Variants in MTARC2 observed in about 807,000 individuals in gnomAD.
MTARC2 encodes mitochondrial amidoxime reducing component 2.
MTARC2 carries 27 observed loss-of-function variants against 35.6 expected under a neutral mutation model. The ratio of observed to expected loss-of-function variants is 0.76; its 90% CI spans 0.56 to 1.04. The LOEUF (loss-of-function observed/expected upper bound fraction) is 1.04, where lower values mean the gene tolerates loss of function less well. MTARC2 is among the 50% of genes least tolerant of loss of function. The pLI is 0.00. For missense variants in MTARC2, 412 were observed against 432.5 expected (o/e 0.95, Z 0.42); for synonymous variants, 158 against 167.1 (o/e 0.95, Z 0.42).
At chr1:220,774,960 T>C (rs958409629) in intron 4 of MTARC2, among the ~76,000 whole-genome samples, 1 of 152,184 alleles carries the variant, frequency 6.6e-6, no homozygotes, top group African/African-American at 2.4e-5. Context: ...TGTGCGTGTG[T>C]GTGTGTGTGT....
rs1054837843 is a variant in MTARC2 at position 220,755,040 on chromosome 1, C to T, written c.366C>T (p.Cys122=). 3 of 1,613,112 alleles carry T rather than the reference C, an allele frequency of 1.9e-6. No individual in the cohort carries two copies. The African/African-American group carries it at 4.0e-5, about 22-fold the overall frequency. The change falls in exon 2 of 8, where the codon TGC becomes TGT. Residue 122 remains cysteine (C), a synonymous_variant. Transcript: ENST00000366913. ...VLISIIYENN[C]LIFRAPDMDQ... ...TCTCCATCATTTATGAGAATAACTG[C>T]CTGATCTTCAGGGCTCCAGACATGG...
At chr1:220,758,334 T>C (rs140883096) in intron 2 of MTARC2, among the ~76,000 whole-genome samples, 2 of 152,250 alleles carry the variant, frequency 1.3e-5, no homozygotes, top group East Asian at 3.9e-4. Flanking sequence ...GCTTTCCCTG[T>C]TCACCTTGTG....
At chr1:220,772,616 AG>A (rs1320298341) in intron 4 of MTARC2, among the ~76,000 whole-genome samples, 7 of 152,112 alleles carry the variant, frequency 4.6e-5, no homozygotes, top group Non-Finnish European at 8.8e-5. Flanking sequence ...CAGTAGGTAG[AG>A]GGCTGCAGCT....
intron 1 of MTARC2, among the ~76,000 whole-genome samples, chr1:220,749,016 C>A (rs1204401854): frequency 1.3e-5 from 2 of 152,212 alleles, no homozygotes; most frequent in Admixed American, 1.3e-4. Flanking sequence ...CCTTGCCCTT[C>A]CCTAGACGAG....
rs370851647 is a variant in MTARC2 at position 220,771,539 on chromosome 1, T to A, written c.751-8479T>A. On this transcript the variant is annotated intron_variant, in intron 4 of 7. Transcript: ENST00000366913. The stretch of plus-strand genomic sequence containing the variant: ...CACACAGTGCCGTTCAAACATGGGG[T>A]CATGAGAAAGCCCAGGGAGTCTGGA... Among the ~76,000 whole-genome samples the A allele has an allele frequency of 7.9e-5, 12 of 152,154 alleles. 1 individual carries two copies. Among genetic ancestry groups the A allele is most frequent in the African/African-American group, 2.9e-4 (12 of 41,494 alleles).
At chr1:220,780,382 G>T in intron 6 of MTARC2, 143 bp downstream of exon 6, 1 of 642,856 alleles carries the variant, frequency 1.6e-6, no homozygotes, top group Non-Finnish European at 2.6e-6. Context: ...ACTGATTCGC[G>T]TCTATTGGTT....
intron 1 of MTARC2, among the ~76,000 whole-genome samples, chr1:220,752,483 G>C (rs1029031481): frequency 1.3e-5 from 2 of 152,142 alleles, no homozygotes; most frequent in African/African-American, 2.4e-5. Context: ...CCATTCTCTG[G>C]GCAGACATCC....
At position 220,761,644 on chromosome 1, in the gene MTARC2, T is replaced by C. The variant is rs1265231163; in HGVS notation, c.447-14T>C. ...ATAAGTAAGTAACCTGGTGTTCTTT[T>C]GTGACCTTTCCAGGATATTTGGCCT... On this transcript the variant is annotated splice_polypyrimidine_tract_variant and intron_variant, in intron 2 of 7. Coordinates refer to ENST00000366913, the MANE Select transcript of MTARC2 (RefSeq NM_017898.5). 6.2e-7 allele frequency: 1 copy of C among 1,602,420 alleles called. No homozygotes were observed. The highest frequency in any genetic ancestry group is 1.8e-5 in the Admixed American group (1 of 56,542).
chr1:220,774,620 G>A (rs1474936734), intron 4 of MTARC2, among the ~76,000 whole-genome samples: 1 of 152,084 alleles, frequency 6.6e-6, no homozygotes, highest in Non-Finnish European at 1.5e-5. Context: ...GGAGGCTCAA[G>A]GAACAGAATC....
At chr1:220,750,361 T>A (rs1671096536) in intron 1 of MTARC2, among the ~76,000 whole-genome samples, 1 of 152,174 alleles carries the variant, frequency 6.6e-6, no homozygotes, top group Non-Finnish European at 1.5e-5. Flanking sequence ...CCTTCCTCGC[T>A]TGAAGGGTTG....
intron 4 of MTARC2, among the ~76,000 whole-genome samples, chr1:220,772,964 C>T (rs544204977): frequency 1.3e-5 from 2 of 152,232 alleles, no homozygotes; most frequent in African/African-American, 4.8e-5. Context: ...CTCCTAAGCC[C>T]TTGGAATTTC....
In MTARC2 at chr1:220,754,024, G is replaced by C. The variant is rs372778655; in HGVS notation, c.273-923G>C. On this transcript the variant is annotated intron_variant, in intron 1 of 7. Coordinates refer to ENST00000366913, the MANE Select transcript of MTARC2 (RefSeq NM_017898.5). ...AGACTGTACCACTGCACTCCAGCCT[G>C]GCTGACAGAGTGAGACTCTGTCTCA... Among the ~76,000 whole-genome samples the C allele has an allele frequency of 3.0e-4, 46 of 152,314 alleles. No homozygotes were observed. In the East Asian group the frequency reaches 4.4e-3, roughly 15 times the overall value.
At chr1:220,753,133 C>A (rs1284009498) in intron 1 of MTARC2, among the ~76,000 whole-genome samples, 1 of 150,800 alleles carries the variant, frequency 6.6e-6, no homozygotes, top group Non-Finnish European at 1.5e-5. Flanking sequence ...GAGGCTGAGG[C>A]AGGAGAATGG....
At chr1:220,760,876 A>G (rs1382505773) in intron 2 of MTARC2, among the ~76,000 whole-genome samples, 2 of 152,252 alleles carry the variant, frequency 1.3e-5, no homozygotes, top group African/African-American at 4.8e-5. Flanking sequence ...TTAAATGGAT[A>G]ATGGTGGATA....
Position 220,784,175 on chromosome 1 carries a change from T to A in MTARC2, c.*288T>A. 2 of 458,808 alleles carry A rather than the reference T, an allele frequency of 4.4e-6. No homozygotes were observed. The highest frequency in any genetic ancestry group is 7.8e-6 in the Non-Finnish European group (2 of 256,810). The allele number at this position is 458,808 out of a possible 1,614,324, so 28.4% of individuals were successfully genotyped here. On this transcript the variant is annotated 3_prime_UTR_variant, in exon 8 of 8. Coordinates refer to ENST00000366913, the MANE Select transcript of MTARC2 (RefSeq NM_017898.5). ...ATCAAAAATGCTATTTTGAATGTTA[T>A]CATGGCTATTACACTTTTACTTCCT...
intron 2 of MTARC2, among the ~76,000 whole-genome samples, chr1:220,759,913 T>A (rs1671393929): frequency 6.6e-6 from 1 of 151,866 alleles, no homozygotes; most frequent in South Asian, 2.1e-4. Context: ...GGATTGTGAG[T>A]TGCAGGGTAC....
At chr1:220,760,785 A>G (rs1022001940) in intron 2 of MTARC2, among the ~76,000 whole-genome samples, 2 of 152,206 alleles carry the variant, frequency 1.3e-5, no homozygotes, top group African/African-American at 2.4e-5. Flanking sequence ...ATAGCCATAA[A>G]AATACATTAG....
intron 2 of MTARC2, among the ~76,000 whole-genome samples, chr1:220,759,306 T>C (rs771066891): frequency 1.1e-4 from 16 of 152,214 alleles, no homozygotes; most frequent in Admixed American, 5.9e-4. Context: ...TGAAGTTTTA[T>C]TGAACCCAGA....
At position 220,780,027 on chromosome 1, in the gene MTARC2, G is replaced by T; in HGVS notation, c.760G>T (p.Asp254Tyr). 6.5e-7 allele frequency: 1 copy of T among 1,533,392 alleles called. No individual in the cohort carries two copies. Among genetic ancestry groups the T allele is most frequent in the Non-Finnish European group, 8.7e-7 (1 of 1,151,338 alleles). 95.0% of individuals were successfully genotyped at this position (1,533,392 alleles called of 1,614,324 possible). ...TTCTCTTTTCTCTTAGGATACCTGG[G>T]ATGAACTCCTAATTGGTAGTGTAGA... ...GCDAFEEDTW[D>Y]ELLIGSVEVK... The change falls in exon 5 of 8, where the codon GAT (aspartate) becomes TAT (tyrosine). Residue 254 changes from aspartate (D) to tyrosine (Y), a missense_variant. Physicochemically the swap from Asp to Tyr is radical, Grantham distance 160. Coordinates refer to ENST00000366913, the MANE Select transcript of MTARC2 (RefSeq NM_017898.5).
Sources: gnomAD v4.1 joint callset for allele counts (sites outside exome capture counted in the v4.1 genomes callset) on GRCh38, gnomAD v4.1.1 for gene constraint, MANE v1.5 for transcripts, NCBI Gene and HGNC (gene_info 2026-07-23, HGNC 2026-07-21) for gene names.